ADGRG7: variants seen among roughly 807,000 people sequenced by gnomAD.
ADGRG7 encodes adhesion G protein-coupled receptor G7, also known as G-protein coupled receptor 128.
Under a neutral mutation model 88.6 loss-of-function variants are expected in ADGRG7, and 82 were observed. That is an observed-to-expected ratio of 0.93 (90% CI 0.77 to 1.11). ADGRG7 has a LOEUF of 1.11. ADGRG7 is among the 50% of genes most tolerant of loss of function. The pLI, the probability that ADGRG7 is intolerant of heterozygous loss-of-function variation, is 0.00. For synonymous variants in ADGRG7, 381 were observed against 345.2 expected (o/e 1.10, Z -1.15); for missense variants, 945 against 953.4 (o/e 0.99, Z 0.12).
chr3:100,641,476 A>G (rs1707641202), intron 6 of ADGRG7, among the ~76,000 whole-genome samples: 1 of 152,160 alleles, frequency 6.6e-6, no homozygotes, highest in East Asian at 1.9e-4. Context: ...ACAAAAAAGG[A>G]GGCAATTAAT....
At position 100,646,708 on chromosome 3, in the gene ADGRG7, A is replaced by G. The variant is rs770401736; in HGVS notation, c.1250A>G (p.Asn417Ser). 8.1e-5 allele frequency: 130 copies of G among 1,613,880 alleles called. No individual in the cohort carries two copies. The highest frequency in any genetic ancestry group is 1.1e-4 in the Non-Finnish European group (124 of 1,179,948). Reference sequence around the variant, plus strand: ...CGCTGCCGCTGCAACCATACTACTAATTTTGCTGTATTAATGGTAAGGATA... The same window carrying G: ...CGCTGCCGCTGCAACCATACTACTAGTTTTGCTGTATTAATGGTAAGGATA... ...FLRCRCNHTT[N>S]FAVLMTFKKD... Residue 417 changes from asparagine to serine, a missense_variant, in exon 10 of 16, where the codon AAT becomes AGT. Transcript: ENST00000273352.
At chr3:100,633,900 G>T (rs933654203) in intron 4 of ADGRG7, among the ~76,000 whole-genome samples, 7 of 152,290 alleles carry the variant, frequency 4.6e-5, no homozygotes, top group East Asian at 1.9e-4. Context: ...TTCAGCAAAT[G>T]ATGATCAATA....
In ADGRG7 at chr3:100,624,774, A is replaced by T. The variant is rs944497543; in HGVS notation, c.116-4824A>T. Among the ~76,000 whole-genome samples, 16 of 152,266 alleles carry T rather than the reference A, an allele frequency of 1.1e-4. No homozygotes were observed. The South Asian group carries it at 3.3e-3, about 32-fold the overall frequency. ...CATGTGGCTAGCCAGCTTTCCCAGCACTATTTATTAAATAGGGAATCCTTT... is the reference window on the plus strand; with the variant it reads ...CATGTGGCTAGCCAGCTTTCCCAGCTCTATTTATTAAATAGGGAATCCTTT... On this transcript the variant is annotated intron_variant, in intron 1 of 15. Transcript: ENST00000273352.
chr3:100,615,592 G>A (rs1037093656), intron 1 of ADGRG7, among the ~76,000 whole-genome samples: 3 of 152,118 alleles, frequency 2.0e-5, no homozygotes, highest in Admixed American at 6.6e-5. Flanking sequence ...TCTAAAAATT[G>A]GCAAATTACT....
At chr3:100,634,715 T>A (rs1284187027) in intron 4 of ADGRG7, among the ~76,000 whole-genome samples, 3 of 152,142 alleles carry the variant, frequency 2.0e-5, no homozygotes, top group Non-Finnish European at 4.4e-5. Flanking sequence ...GGCAAACCAG[T>A]GTTTGGTTCT....
rs80271295 is a variant in ADGRG7, at chr3:100,643,782, T to C, written c.946+149T>C. The C allele has an allele frequency of 8.4e-4, 494 of 591,102 alleles. 8 individuals carry two copies. In the East Asian group the frequency reaches 0.014, roughly 17 times the overall value. 36.6% of individuals were successfully genotyped at this position (591,102 alleles called of 1,614,324 possible). ...AAGTTTGAGCTCTGACATATTATGG[T>C]AATCTCAACTCTACTATTCTAAGTC... On this transcript the variant is annotated intron_variant, in intron 8 of 15. Transcript: ENST00000273352.
At chr3:100,637,518 C>T (rs1707565800) in intron 6 of ADGRG7, 116 bp downstream of exon 6, 2 of 709,360 alleles carry the variant, frequency 2.8e-6, no homozygotes, top group Non-Finnish European at 4.8e-6. Flanking sequence ...CTGACTGATT[C>T]CTCTGGAATG....
At chr3:100,684,784 TATA>T (rs1239757018) in intron 15 of ADGRG7, among the ~76,000 whole-genome samples, 1 of 152,040 alleles carries the variant, frequency 6.6e-6, no homozygotes, top group African/African-American at 2.4e-5. Context: ...TTCTACTAAT[TATA>T]ATCTTTATTA....
chr3:100,662,933 G>A lies in ADGRG7; in HGVS notation c.1979+3090G>A, dbSNP rs199658912. ...CAATGCAAAATTTAGTAAGATGAAA[G>A]GGAAATCTATACAAATGTTTGAGAA... On this transcript the variant is annotated intron_variant, in intron 14 of 15. Transcript: ENST00000273352. Among the ~76,000 whole-genome samples the A allele has an allele frequency of 3.7e-4, 56 of 152,178 alleles. 1 individual carries two copies. The East Asian group carries it at 9.8e-3, about 27-fold the overall frequency.
At chr3:100,645,637 G>A (rs779698245) in intron 8 of ADGRG7, among the ~76,000 whole-genome samples, 19 of 152,046 alleles carry the variant, frequency 1.2e-4, no homozygotes, top group Admixed American at 2.0e-4. Flanking sequence ...AAAGCAAGAC[G>A]TTTACTTTAT....
chr3:100,651,293 G>A (rs2094929093), intron 11 of ADGRG7, among the ~76,000 whole-genome samples: 1 of 152,160 alleles, frequency 6.6e-6, no homozygotes, highest in Non-Finnish European at 1.5e-5. Flanking sequence ...TAAGTGCCTT[G>A]AAGGAAAATT....
chr3:100,688,990 C>T (rs1049613436), intron 15 of ADGRG7, among the ~76,000 whole-genome samples: 3 of 152,074 alleles, frequency 2.0e-5, no homozygotes, highest in South Asian at 2.1e-4. Flanking sequence ...TAAAATCTCC[C>T]GTTATTATTG....
chr3:100,671,125 C>T (rs1463642238), intron 15 of ADGRG7, among the ~76,000 whole-genome samples: 1 of 152,210 alleles, frequency 6.6e-6, no homozygotes, highest in Non-Finnish European at 1.5e-5. Flanking sequence ...GGAATCGCCA[C>T]ACTGTCTTCC....
At chr3:100,636,162 A>C (rs1707537469) in intron 5 of ADGRG7, among the ~76,000 whole-genome samples, 1 of 152,176 alleles carries the variant, frequency 6.6e-6, no homozygotes, top group Non-Finnish European at 1.5e-5. Flanking sequence ...TCAGGGGTTC[A>C]AGTGATTCTC....
intron 15 of ADGRG7, among the ~76,000 whole-genome samples, chr3:100,691,312 C>T (rs978073071): frequency 9.2e-5 from 14 of 152,164 alleles, no homozygotes; most frequent in South Asian, 2.1e-4. Context: ...TTGTGCTTCC[C>T]GGGTGAGGCA....
intron 14 of ADGRG7, among the ~76,000 whole-genome samples, chr3:100,664,489 T>C (rs2094949412): frequency 1.3e-5 from 2 of 152,138 alleles, no homozygotes; most frequent in Admixed American, 6.5e-5. Flanking sequence ...TTGATGAACA[T>C]AGTTTCTAGA....
chr3:100,646,481 C>A (rs1354281594), intron 9 of ADGRG7, 88 bp from the exon 10 acceptor site: 3 of 1,001,454 alleles, frequency 3.0e-6, no homozygotes, highest in South Asian at 3.3e-5. Flanking sequence ...TAATTCATTT[C>A]TCAGATGACT....
rs573527539 is a variant in ADGRG7 at position 100,619,940 on chromosome 3, C to T, written c.116-9658C>T. On this transcript the variant is annotated intron_variant, in intron 1 of 15. Coordinates refer to ENST00000273352, the MANE Select transcript of ADGRG7 (RefSeq NM_032787.3). ...AATAGCTTACCAACCAAAAAAAGTCCAGGACCAGATGGATTCACAGCCAAA... is the reference window on the plus strand; with the variant it reads ...AATAGCTTACCAACCAAAAAAAGTCTAGGACCAGATGGATTCACAGCCAAA... Among the ~76,000 whole-genome samples the T allele has an allele frequency of 5.3e-5, 8 of 152,222 alleles. No individual in the cohort carries two copies. In the South Asian group the frequency reaches 1.5e-3, roughly 28 times the overall value.
At chr3:100,657,339 C>A (rs2149030203) in intron 13 of ADGRG7, among the ~76,000 whole-genome samples, 1 of 152,322 alleles carries the variant, frequency 6.6e-6, no homozygotes, top group South Asian at 2.1e-4. Context: ...ATTCTCCTAG[C>A]AGTTGCTCCT....
Sources: allele counts gnomAD v4.1 joint callset (sites outside exome capture counted in the v4.1 genomes callset), GRCh38; gene constraint gnomAD v4.1.1; transcripts MANE v1.5; gene names NCBI Gene and HGNC (gene_info 2026-07-23, HGNC 2026-07-21).